The following ARHGEF1 variants were observed in gnomAD, a reference collection of about 807,000 sequenced individuals.
ARHGEF1 encodes the protein Rho guanine nucleotide exchange factor 1, also known as 115 kDa guanine nucleotide exchange factor.
In ARHGEF1, 40 loss-of-function variants were observed where a neutral mutation model predicts 119.7. The ratio of observed to expected loss-of-function variants is 0.33; its 90% confidence interval spans 0.26 to 0.44. The LOEUF is 0.44. Among genes scored for constraint, ARHGEF1 ranks in the 20% least tolerant of loss-of-function variants. The pLI is 1.00. For synonymous variants in ARHGEF1, 494 were observed against 521.0 expected, an observed-to-expected ratio of 0.95 and a Z score of 0.71; for missense variants, 976 against 1,268.3, an observed-to-expected ratio of 0.77 and a Z score of 3.50.
chr19:41,913,570 G>C lies in ARHGEF1; in HGVS notation c.1865+6767G>C, dbSNP rs115693308. Among the ~76,000 whole-genome samples the C allele has an allele frequency of 6.0e-3, 901 of 150,926 alleles. 16 individuals carry two copies. Among genetic ancestry groups the C allele is most frequent in the African/African-American group, 0.02 (827 of 41,014 alleles). ...CCTCTACCCCACAGGGCAGCCCCCAGCGCCCTGCAGGAGGCCTCCACAGAC... is the reference window on the plus strand; with the variant it reads ...CCTCTACCCCACAGGGCAGCCCCCACCGCCCTGCAGGAGGCCTCCACAGAC... On this transcript the variant is annotated intron_variant, in intron 18 of 20. Coordinates refer to the ARHGEF1 transcript ENST00000599589.
At chr19:41,919,993 C>G (rs1230545901), upstream of ARHGEF1, among the ~76,000 whole-genome samples, 1 of 137,830 alleles carries the variant, frequency 7.3e-6, no homozygotes, top group Non-Finnish European at 1.5e-5. Context: ...ACGTGACACA[C>G]CCAGACATGA....
chr19:41,892,791 T>TACGAGGCCCGGGAGCGGC lies in ARHGEF1; in HGVS notation c.560_577dup (p.Glu187_His192dup). 4 of 1,598,736 alleles carry TACGAGGCCCGGGAGCGGC rather than the reference T, an allele frequency of 2.5e-6. No individual in the cohort carries two copies. The highest frequency in any genetic ancestry group is 8.5e-7 in the Non-Finnish European group (1 of 1,175,016). On this transcript the variant is annotated inframe_insertion, in exon 7 of 29. Transcript: ENST00000354532. This position sits in a 1 kb window ranked among gnomAD's most constrained non-coding sequence, Gnocchi z 6.3. ...TTGGGTTGGGCGGGACCGAGCCAGC[T>TACGAGGCCCGGGAGCGGC]ACGAGGCCCGGGAGCGGCACGTGGC...
chr19:41,897,537 G>T (rs185942821), intron 13 of ARHGEF1: 83 of 305,378 alleles, frequency 2.7e-4, no homozygotes, highest in Admixed American at 4.7e-4. Flanking sequence ...GGAAGGGAGG[G>T]GGTCAGTCCT....
Position 41,903,195 on chromosome 19 carries a change from T to A in ARHGEF1, c.1739-112T>A. The A allele has an allele frequency of 1.0e-6, 1 of 957,732 alleles. No individual in the cohort carries two copies. 59.3% of individuals were successfully genotyped at this position (957,732 alleles called of 1,614,324 possible). ...CCTCAGCCTCCCAAAGTGCTTGGAT[T>A]ACAGGCGTGAGCCACCATGCCCGGC... On this transcript the variant is annotated intron_variant, in intron 18 of 28. Transcript: ENST00000354532. The surrounding 1 kb of genome is among the most constrained non-coding windows in gnomAD (Gnocchi z 4.2).
chr19:41,884,609 G>T (rs2074265798), intron 1 of ARHGEF1: 11 of 1,373,922 alleles, frequency 8.0e-6, no homozygotes, highest in Non-Finnish European at 9.0e-6. Context: ...CGTAAGACCC[G>T]CCACGTCCAT....
rs1411173411 is a variant in ARHGEF1 at position 41,905,553 on chromosome 19, C to T, written c.2337-207C>T. ...CATGTGTGTGTGTGTGCGCATGTGCCGACCCCACCACTGCCCCGTCTGTCT... is the reference window on the plus strand; with the variant it reads ...CATGTGTGTGTGTGTGCGCATGTGCTGACCCCACCACTGCCCCGTCTGTCT... On this transcript the variant is annotated intron_variant, in intron 24 of 28. Transcript: ENST00000354532. This position sits in a 1 kb window ranked among gnomAD's most constrained non-coding sequence, Gnocchi z 6.4. The T allele has an allele frequency of 1.8e-5, 11 of 625,298 alleles. No individual in the cohort carries two copies. The highest frequency in any genetic ancestry group is 5.8e-5 in the Admixed American group (2 of 34,356). 38.7% of individuals were successfully genotyped at this position (625,298 alleles called of 1,614,324 possible).
At chr19:41,926,750 T>C (rs781787041) in intron 1 of ARHGEF1, among the ~76,000 whole-genome samples, 5 of 152,116 alleles carry the variant, frequency 3.3e-5, no homozygotes, top group African/African-American at 4.8e-5. Context: ...TTAGCCGTGA[T>C]AGATCCGCGC....
intron 28 of ARHGEF1, 52 bp from the exon 29 acceptor site, chr19:41,907,053 C>T: frequency 5.6e-6 from 8 of 1,430,984 alleles, no homozygotes; most frequent in East Asian, 2.5e-5. Context: ...CTGTCTCTCC[C>T]TGTCTCTCTC....
intron 1 of ARHGEF1, among the ~76,000 whole-genome samples, chr19:41,925,801 C>T (rs1456177928): frequency 1.3e-5 from 2 of 152,072 alleles, no homozygotes; most frequent in Admixed American, 1.3e-4. Context: ...CTTAGGTGAC[C>T]TGTGTGTGGC....
chr19:41,888,289 G>C lies in ARHGEF1; in HGVS notation c.111+11G>C, dbSNP rs1303247252. The C allele has an allele frequency of 2.5e-6, 4 of 1,613,018 alleles. No individual in the cohort carries two copies. The highest frequency in any genetic ancestry group is 3.4e-6 in the Non-Finnish European group (4 of 1,179,776). On this transcript the variant is annotated intron_variant, in intron 3 of 28. Transcript: ENST00000354532. This position sits in a 1 kb window ranked among gnomAD's most constrained non-coding sequence, Gnocchi z 5.1. ...AACGAGCTGGAGACAGTGAGTGGGAGATAGGGTGGAAAAGCTCTGTCCCAG... is the reference window on the plus strand; with the variant it reads ...AACGAGCTGGAGACAGTGAGTGGGACATAGGGTGGAAAAGCTCTGTCCCAG...
intron 9 of ARHGEF1, 31 bp downstream of exon 9, chr19:41,894,337 TTCCTC>T: frequency 6.6e-7 from 1 of 1,521,336 alleles, no homozygotes; most frequent in East Asian, 2.3e-5. Flanking sequence ...TCCTGACCCT[TTCCTC>T]TCCAGAGACG....
At chr19:41,908,599 T>TAA, downstream of ARHGEF1, 1 of 1,231,602 alleles carries the variant, frequency 8.1e-7, no homozygotes, top group African/African-American at 1.6e-5. This position sits in a 1 kb window ranked among gnomAD's most constrained non-coding sequence, Gnocchi z 6.7. Context: ...AGGTACGGGT[T>TAA]AAAGTTCCAG....
Position 41,889,032 on chromosome 19 carries a change from A to G in ARHGEF1, c.225+167A>G, listed in dbSNP as rs1555845773. The G allele has an allele frequency of 1.6e-6, 1 of 627,648 alleles. No homozygotes were observed. Among genetic ancestry groups the G allele is most frequent in the East Asian group, 2.8e-5 (1 of 35,532 alleles). The allele number at this position is 627,648 out of a possible 1,614,324, so 38.9% of individuals were successfully genotyped here. On this transcript the variant is annotated intron_variant, in intron 4 of 28. Transcript: ENST00000354532. The surrounding 1 kb of genome is among the most constrained non-coding windows in gnomAD (Gnocchi z 4.0). ...ATGCTTTAGACAAGAGCCAGAAAGC[A>G]TGCCACGTGACCTCAACAGGCTTAC... is the stretch of plus-strand genomic sequence containing the variant.
In ARHGEF1 at chr19:41,907,210, T is replaced by G; in HGVS notation, c.*123T>G. 6.6e-7 allele frequency: 1 copy of G among 1,520,456 alleles called. No homozygotes were observed. The highest frequency in any genetic ancestry group is 8.8e-7 in the Non-Finnish European group (1 of 1,139,700). 94.2% of individuals were successfully genotyped at this position (1,520,456 alleles called of 1,614,324 possible). A position where few individuals can be genotyped will look rare whatever the true frequency, so the allele number is the denominator to read the frequency against. ...CCCCGAGGGCCTGAGGAGAGGGAGC[T>G]GTGGGCCACGCCTGGGAGGGGCCCA... On this transcript the variant is annotated 3_prime_UTR_variant, in exon 29 of 29. Coordinates refer to ENST00000354532, the MANE Select transcript of ARHGEF1 (RefSeq NM_004706.4).
rs1213491926 is a variant in ARHGEF1 at position 41,896,383 on chromosome 19, A to G, written c.1022A>G (p.Asp341Gly). Residue 341 changes from aspartate to glycine, a missense_variant, in exon 13 of 29, where the codon GAC becomes GGC. By Grantham distance (94) the Asp-to-Gly change is moderately conservative (BLOSUM62 -1). This residue lies in a region of ARHGEF1 where 519 missense variants were observed against 580.9 expected (regional missense o/e 0.89). Transcript: ENST00000354532. ...LDSPDREPGA[D>G]APLELGDSSP... ...TGCTCCCTCCACCCCACAGGTGCTG[A>G]CGCCCCCCTGGAGCTGGGGGACTCA... is the stretch of plus-strand genomic sequence containing the variant. The G allele has an allele frequency of 1.4e-6, 2 of 1,429,380 alleles. No individual in the cohort carries two copies. The highest frequency in any genetic ancestry group is 1.8e-6 in the Non-Finnish European group (2 of 1,089,132). 88.5% of individuals were successfully genotyped at this position (1,429,380 alleles called of 1,614,324 possible).
rs199618317 is a variant in ARHGEF1 at position 41,896,342 on chromosome 19, G to A, written c.1016-35G>A. ...GAGTGTGGGTCTCGTGGCCGCAGAG[G>A]CCTTCCAGCCAGCCCTGCTCCCTCC... On this transcript the variant is annotated intron_variant, in intron 12 of 28. Coordinates refer to ENST00000354532, the MANE Select transcript of ARHGEF1 (RefSeq NM_004706.4). 14 of 1,181,468 alleles carry A rather than the reference G, an allele frequency of 1.2e-5. No individual in the cohort carries two copies. The East Asian group carries it at 3.1e-4, about 26-fold the overall frequency. The allele number at this position is 1,181,468 out of a possible 1,614,324, so 73.2% of individuals were successfully genotyped here. A position where few individuals can be genotyped will look rare whatever the true frequency, so the allele number is the denominator to read the frequency against.
chr19:41,914,355 C>T (rs1271289396), intron 18 of ARHGEF1, among the ~76,000 whole-genome samples: 2 of 151,320 alleles, frequency 1.3e-5, no homozygotes, highest in Non-Finnish European at 2.9e-5. Context: ...CTGTCTCTCT[C>T]CTCCACCAAG....
At chr19:41,929,944 T>A (rs1291674628) in exon 3 of ARHGEF1, 1 of 152,184 alleles carries the variant, frequency 6.6e-6, no homozygotes, top group Non-Finnish European at 1.5e-5. Context: ...GGCAAGTCGC[T>A]AAACATCCCC....
Position 41,888,861 on chromosome 19 carries a change from C to A in ARHGEF1, c.221C>A (p.Pro74His), listed in dbSNP as rs1258788713. The A allele has an allele frequency of 1.1e-5, 17 of 1,613,476 alleles. No homozygotes were observed. The highest frequency in any genetic ancestry group is 1.4e-5 in the Non-Finnish European group (17 of 1,179,516). Reference sequence around the variant, plus strand: ...GTGGCCCTGCAGTTTGAGCCAGGACCCCTGGTGAGGGCAGGGCTGGGTGGG... The same window carrying A: ...GTGGCCCTGCAGTTTGAGCCAGGACACCTGGTGAGGGCAGGGCTGGGTGGG... The part of the protein sequence containing the change: ...QHVALQFEPG[P>H]LLCCLHADML... Residue 74 changes from proline (P) to histidine (H), a missense_variant, in exon 4 of 29, where the codon CCC (proline) becomes CAC (histidine). Transcript: ENST00000354532. This position sits in a 1 kb window ranked among gnomAD's most constrained non-coding sequence, Gnocchi z 5.1.
Sources: gnomAD v4.1 joint callset for allele counts (sites outside exome capture counted in the v4.1 genomes callset) on GRCh38, gnomAD v4.1.1 for gene constraint, gnomAD v4.1.1 regional missense constraint, Gnocchi (gnomAD v3.1) non-coding constraint, MANE v1.5 for transcripts, NCBI Gene and HGNC (gene_info 2026-07-23, HGNC 2026-07-21) for gene names.